Variants in ST7 observed in about 807,000 individuals in gnomAD.
ST7 encodes the protein suppression of tumorigenicity 7.
ST7 carries 28 observed loss-of-function variants against 78.7 expected under a neutral mutation model. The observed-to-expected ratio is 0.36, with a 90% CI of 0.26 to 0.49. The LOEUF is 0.49. Among genes scored for constraint, ST7 ranks in the 20% least tolerant of loss-of-function variants. The probability of loss-of-function intolerance (pLI) is 0.99; values close to 1 mark genes in which losing one functional copy is unlikely to be tolerated. For missense variants in ST7, 418 were observed against 696.0 expected, an observed-to-expected ratio of 0.60 and a Z score of 4.49; for synonymous variants, 247 against 249.6, an observed-to-expected ratio of 0.99 and a Z score of 0.10.
chr7:117,220,337 C>T (rs961210804), intron 14 of ST7, among the ~76,000 whole-genome samples: 11 of 152,108 alleles, frequency 7.2e-5, no homozygotes, highest in African/African-American at 1.4e-4. Context: ...TCTCACCGTT[C>T]GAGTTTGATT....
chr7:117,057,524 T>C (rs1798124183), intron 1 of ST7, among the ~76,000 whole-genome samples: 1 of 152,230 alleles, frequency 6.6e-6, no homozygotes, highest in South Asian at 2.1e-4. Flanking sequence ...CTTCTCCTAA[T>C]AAGAGATTGT....
At position 117,051,014 on chromosome 7, in the gene ST7, T is replaced by C. The variant is rs1448290639; in HGVS notation, c.152-48748T>C. ...TTTTTGTAAATCTCCAAATTTTTTT[T>C]CCAATATGTTTATTGCAGAAAATTT... On this transcript the variant is annotated intron_variant, in intron 1 of 15. Transcript: ENST00000323984. 5.9e-5 allele frequency among the ~76,000 whole-genome samples: 9 copies of C among 152,200 alleles called. No individual in the cohort carries two copies. The South Asian group carries it at 1.9e-3, about 32-fold the overall frequency.
chr7:117,161,318 T>C (rs934191690), intron 9 of ST7, among the ~76,000 whole-genome samples: 4 of 152,138 alleles, frequency 2.6e-5, no homozygotes, highest in African/African-American at 9.6e-5. Context: ...TATAAAAATG[T>C]ATGCAGAATA....
intron 1 of ST7, among the ~76,000 whole-genome samples, chr7:117,066,529 A>G (rs1798640153): frequency 6.6e-6 from 1 of 152,156 alleles, no homozygotes; most frequent in African/African-American, 2.4e-5. Context: ...TGGGAGGCTG[A>G]GGCAGGTGGA....
intron 15 of ST7, among the ~76,000 whole-genome samples, chr7:117,227,240 GC>G (rs1311054657): frequency 8.5e-5 from 13 of 152,316 alleles, no homozygotes; most frequent in African/African-American, 3.1e-4. Flanking sequence ...TTATCTAGCT[GC>G]GCTGGCTCAT....
chr7:117,145,848 A>G (rs913745599), intron 9 of ST7, among the ~76,000 whole-genome samples: 13 of 152,238 alleles, frequency 8.5e-5, no homozygotes, highest in African/African-American at 3.1e-4. Flanking sequence ...TCAGCTAAAA[A>G]CATGTTTTGT....
At chr7:117,034,316 TTATTA>T (rs982325276) in intron 1 of ST7, among the ~76,000 whole-genome samples, 2 of 152,184 alleles carry the variant, frequency 1.3e-5, no homozygotes, top group African/African-American at 4.8e-5. Flanking sequence ...TTATTAGGTA[TTATTA>T]TATTAGTCAT....
intron 1 of ST7, chr7:117,098,740 T>TA: frequency 7.7e-7 from 1 of 1,292,138 alleles, no homozygotes; most frequent in East Asian, 5.7e-5. Flanking sequence ...GCCCTACTTC[T>TA]AAAACCAGAC....
chr7:117,153,723 T>A (rs2117171970), intron 9 of ST7, among the ~76,000 whole-genome samples: 1 of 152,234 alleles, frequency 6.6e-6, no homozygotes, highest in East Asian at 1.9e-4. Flanking sequence ...TTCAAAGAGG[T>A]GGTTGGCAAT....
At chr7:117,140,263 G>C (rs547777620) in intron 9 of ST7, among the ~76,000 whole-genome samples, 1 of 151,788 alleles carries the variant, frequency 6.6e-6, no homozygotes, top group South Asian at 2.1e-4. Context: ...GATCTTGGGG[G>C]AGAGATGGAT....
rs200892290 is a variant in ST7 at position 117,138,499 on chromosome 7, G to A, written c.930G>A (p.Gly310=). 6.2e-7 allele frequency: 1 copy of A among 1,608,360 alleles called. No homozygotes were observed. The highest frequency in any genetic ancestry group is 8.5e-7 in the Non-Finnish European group (1 of 1,176,976). ...TAGCAATGTGTGCCAGAAGACTCGGGAGGACCAGGGAAGCAGTGAAAATGA... is the reference window on the plus strand; with the variant it reads ...TAGCAATGTGTGCCAGAAGACTCGGAAGGACCAGGGAAGCAGTGAAAATGA... ...RRLAMCARRL[G]RTREAVKMMR... The change falls in exon 9 of 16, where the codon GGG becomes GGA. Residue 310 remains glycine, a synonymous_variant. Coordinates refer to ENST00000323984, the MANE Select transcript of ST7 (RefSeq NM_001369598.1).
At chr7:117,045,754 G>A (rs545657490) in intron 1 of ST7, among the ~76,000 whole-genome samples, 35 of 152,318 alleles carry the variant, frequency 2.3e-4, no homozygotes, top group Non-Finnish European at 3.1e-4. Context: ...GACCTGGCAC[G>A]TTGTTGCTGA....
At chr7:116,974,204 A>G (rs1793580366) in intron 1 of ST7, among the ~76,000 whole-genome samples, 1 of 152,096 alleles carries the variant, frequency 6.6e-6, no homozygotes, top group Non-Finnish European at 1.5e-5. Context: ...AATTCTTTGT[A>G]TGATGATCTG....
chr7:117,051,418 G>A (rs1159741480), intron 1 of ST7, among the ~76,000 whole-genome samples: 1 of 152,188 alleles, frequency 6.6e-6, no homozygotes, highest in African/African-American at 2.4e-5. Flanking sequence ...GAGGGGCTCA[G>A]CATGTGCAGA....
Position 117,225,355 on chromosome 7 carries a change from C to T in ST7, c.1638+3293C>T, listed in dbSNP as rs115250980. On this transcript the variant is annotated intron_variant, in intron 15 of 15. Coordinates refer to ENST00000323984, the MANE Select transcript of ST7 (RefSeq NM_001369598.1). ...AGGTGTGGTAGTTTGGTCAGCTCCC[C>T]ATAGTTTTCAAATGTACTTTAGATA... Among the ~76,000 whole-genome samples, 1,029 of 152,274 alleles carry T rather than the reference C, an allele frequency of 6.8e-3. 10 individuals are homozygous for T. The highest frequency in any genetic ancestry group is 0.022 in the African/African-American group (911 of 41,540).
chr7:117,001,777 T>A (rs1438961975), intron 1 of ST7, among the ~76,000 whole-genome samples: 1 of 152,174 alleles, frequency 6.6e-6, no homozygotes, highest in Non-Finnish European at 1.5e-5. Flanking sequence ...TGATTTTTCT[T>A]ATTCTTCCCT....
At chr7:117,037,554 C>G (rs1796956830) in intron 1 of ST7, among the ~76,000 whole-genome samples, 1 of 152,156 alleles carries the variant, frequency 6.6e-6, no homozygotes, top group Non-Finnish European at 1.5e-5. Flanking sequence ...ATGTTTTATT[C>G]AGTTTTCATG....
chr7:117,072,489 G>T (rs1022915705), intron 1 of ST7: 2 of 152,142 alleles, frequency 1.3e-5, no homozygotes, highest in African/African-American at 4.8e-5. Flanking sequence ...CTTAGTAACA[G>T]ATGTTTTGAT....
chr7:117,161,781 G>A (rs1807177328), intron 9 of ST7, among the ~76,000 whole-genome samples: 2 of 151,490 alleles, frequency 1.3e-5, no homozygotes, highest in South Asian at 4.2e-4. Flanking sequence ...TGTATTTTTA[G>A]TAGAGATGGG....
Sources: gnomAD v4.1 joint callset for allele counts (sites outside exome capture counted in the v4.1 genomes callset) on GRCh38, gnomAD v4.1.1 for gene constraint, MANE v1.5 for transcripts, NCBI Gene and HGNC (gene_info 2026-07-23, HGNC 2026-07-21) for gene names.